PLCH1: variants seen among roughly 807,000 people sequenced by gnomAD.
PLCH1 encodes phospholipase C eta 1.
PLCH1 carries 60 observed loss-of-function variants against 126.7 expected under a neutral mutation model. The ratio of observed to expected loss-of-function variants is 0.47; its 90% CI spans 0.38 to 0.59. The LOEUF (loss-of-function observed/expected upper bound fraction) is 0.59. Among genes scored for constraint, PLCH1 ranks in the 20% least tolerant of loss-of-function variants. PLCH1 has a pLI of 0.00. For synonymous variants in PLCH1, 719 were observed against 734.9 expected, an observed-to-expected ratio of 0.98 and a Z score of 0.35; for missense variants, 1,723 against 2,040.0, an observed-to-expected ratio of 0.84 and a Z score of 2.99.
intron 21 of PLCH1, among the ~76,000 whole-genome samples, chr3:155,467,254 C>CAAA (rs768841188): frequency 1.4e-4 from 20 of 143,034 alleles, no homozygotes; most frequent in African/African-American, 5.0e-4. Flanking sequence ...GTCTTCTGAC[C>CAAA]AAAAAAAAAA....
chr3:155,659,334 T>G (rs1741836476), intron 2 of PLCH1, among the ~76,000 whole-genome samples: 1 of 104,426 alleles, frequency 9.6e-6, no homozygotes, highest in Admixed American at 1.2e-4. Context: ...TTTTTTTTTT[T>G]TTTTTTTTTC....
intron 8 of PLCH1, among the ~76,000 whole-genome samples, chr3:155,560,721 C>T (rs189226055): frequency 6.6e-6 from 1 of 152,236 alleles, no homozygotes; most frequent in East Asian, 1.9e-4. Flanking sequence ...TATTCATTGC[C>T]CTGCACTTTC....
At chr3:155,561,486 GTATTCCATGGTGTATAT>G (rs1429462784) in intron 8 of PLCH1, among the ~76,000 whole-genome samples, 1 of 151,508 alleles carries the variant, frequency 6.6e-6, no homozygotes, top group Non-Finnish European at 1.5e-5. Flanking sequence ...TGGCTGCATA[GTATTCCATGGTGTATAT>G]GTGCCACATT....
chr3:155,550,576 G>A (rs570283897), intron 9 of PLCH1, among the ~76,000 whole-genome samples: 1 of 152,282 alleles, frequency 6.6e-6, no homozygotes, highest in South Asian at 2.1e-4. Context: ...TCAGGTTTCT[G>A]CACAGAAAAC....
At chr3:155,475,883 AT>A (rs991761255), downstream of PLCH1, among the ~76,000 whole-genome samples, 5 of 152,180 alleles carry the variant, frequency 3.3e-5, no homozygotes, top group Admixed American at 6.6e-5. Flanking sequence ...TCTACCAAAC[AT>A]TTAAAGAATG....
intron 2 of PLCH1, among the ~76,000 whole-genome samples, chr3:155,703,865 T>C (rs995965193): frequency 1.3e-5 from 2 of 152,194 alleles, no homozygotes; most frequent in African/African-American, 4.8e-5. Flanking sequence ...GGGATATTAC[T>C]GGAGTTGACA....
intron 11 of PLCH1, among the ~76,000 whole-genome samples, chr3:155,517,234 G>A (rs577935340): frequency 6.6e-6 from 1 of 152,284 alleles, no homozygotes; most frequent in Non-Finnish European, 1.5e-5. Flanking sequence ...ATGAGCCCAA[G>A]AGTTTGAGGC....
At chr3:155,727,351 G>A (rs888564153) in intron 1 of PLCH1, among the ~76,000 whole-genome samples, 1 of 150,630 alleles carries the variant, frequency 6.6e-6, no homozygotes, top group African/African-American at 2.4e-5. Context: ...AAAAAAATGG[G>A]TTCTGCTCAG....
Position 155,500,650 on chromosome 3 carries a change from A to C in PLCH1, c.1796+53T>G, listed in dbSNP as rs537711191. On this transcript the variant is annotated intron_variant, in intron 14 of 22. Coordinates refer to ENST00000460012, the MANE Select transcript of PLCH1 (RefSeq NM_014996.4). ...TACAAGAAAAATGACTAAGCTGACAAGGATGGAGGGGCCTCAGGAGTGTGA... is the reference window on the plus strand; with the variant it reads ...TACAAGAAAAATGACTAAGCTGACACGGATGGAGGGGCCTCAGGAGTGTGA... The C allele has an allele frequency of 5.7e-6, 6 of 1,050,546 alleles. No homozygotes were observed. In the East Asian group the frequency reaches 1.4e-4, roughly 25 times the overall value. 65.1% of individuals were successfully genotyped at this position (1,050,546 alleles called of 1,614,324 possible). A position where few individuals can be genotyped will look rare whatever the true frequency, so the allele number is the denominator to read the frequency against.
At chr3:155,524,086 T>C in intron 10 of PLCH1, 82 bp from the exon 11 acceptor site, 2 of 826,862 alleles carry the variant, frequency 2.4e-6, no homozygotes, top group Non-Finnish European at 4.1e-6. Flanking sequence ...AAGCATCCAT[T>C]GATGGATGAG....
At chr3:155,550,098 A>C (rs998737296) in intron 9 of PLCH1, 140 bp from the exon 10 acceptor site, 7 of 562,678 alleles carry the variant, frequency 1.2e-5, no homozygotes, top group Non-Finnish European at 1.8e-5. Flanking sequence ...AATGCTTCTA[A>C]AATGAGAAAG....
chr3:155,577,303 A>C (rs902225348), intron 6 of PLCH1, among the ~76,000 whole-genome samples: 7 of 152,164 alleles, frequency 4.6e-5, no homozygotes, highest in Admixed American at 6.5e-5. Flanking sequence ...AATTACTAAT[A>C]AAGGGTGAAC....
At chr3:155,577,513 C>T (rs1458682502) in intron 6 of PLCH1, among the ~76,000 whole-genome samples, 1 of 152,080 alleles carries the variant, frequency 6.6e-6, no homozygotes, top group Non-Finnish European at 1.5e-5. Flanking sequence ...AAGTGGACCA[C>T]ATATAAACAA....
At chr3:155,627,134 C>A (rs1737404024) in intron 2 of PLCH1, among the ~76,000 whole-genome samples, 3 of 152,118 alleles carry the variant, frequency 2.0e-5, no homozygotes, top group Admixed American at 1.3e-4. Context: ...GAGGCTAATA[C>A]CAAGATTATG....
intron 10 of PLCH1, among the ~76,000 whole-genome samples, chr3:155,528,303 T>C (rs1468545323): frequency 2.6e-5 from 4 of 152,072 alleles, no homozygotes; most frequent in African/African-American, 9.7e-5. Context: ...AATCAAAGCA[T>C]TTATTTCTGT....
rs372260991 is a variant in PLCH1 at position 155,549,977 on chromosome 3, A to G, written c.1191-19T>C. The G allele has an allele frequency of 1.2e-6, 2 of 1,601,834 alleles. No homozygotes were observed. The highest frequency in any genetic ancestry group is 1.7e-6 in the Non-Finnish European group (2 of 1,173,572). On this transcript the variant is annotated intron_variant, in intron 9 of 22. Coordinates refer to ENST00000460012, the MANE Select transcript of PLCH1 (RefSeq NM_014996.4). Reference sequence around the variant, plus strand: ...AGGAAACCTGAGAAAAGAGCAACACAGTCCAGAGGCGTCAGGTGCAGGCAA... The same window carrying G: ...AGGAAACCTGAGAAAAGAGCAACACGGTCCAGAGGCGTCAGGTGCAGGCAA...
At chr3:155,727,044 T>C (rs1208525738) in intron 1 of PLCH1, among the ~76,000 whole-genome samples, 3 of 151,878 alleles carry the variant, frequency 2.0e-5, no homozygotes, top group Admixed American at 1.3e-4. Context: ...TAATTTTCTA[T>C]GCAGCTTGGA....
At chr3:155,706,120 G>T (rs1746642500) in intron 1 of PLCH1, among the ~76,000 whole-genome samples, 1 of 145,440 alleles carries the variant, frequency 6.9e-6, no homozygotes, top group Non-Finnish European at 1.5e-5. Context: ...GTTGCAGTGA[G>T]GTGAGACAGC....
At chr3:155,467,046 C>T (rs190314409) in intron 21 of PLCH1, among the ~76,000 whole-genome samples, 66 of 151,942 alleles carry the variant, frequency 4.3e-4, no homozygotes, top group Middle Eastern at 3.4e-3. Context: ...CTTAAAGAAG[C>T]GGTAGAGAAA....
Sources: allele counts gnomAD v4.1 joint callset (sites outside exome capture counted in the v4.1 genomes callset), GRCh38; gene constraint gnomAD v4.1.1; transcripts MANE v1.5; gene names NCBI Gene and HGNC (gene_info 2026-07-23, HGNC 2026-07-21).